Variants in FGF1 observed in about 807,000 individuals in gnomAD.
FGF1 encodes fibroblast growth factor 1.
Under a neutral mutation model 13.4 loss-of-function variants are expected in FGF1, and 9 were observed. That is an observed-to-expected ratio of 0.67 (90% CI 0.40 to 1.17). The LOEUF (loss-of-function observed/expected upper bound fraction) is 1.17, where lower values mean the gene tolerates loss of function less well. Among genes scored for constraint, FGF1 ranks in the 50% most tolerant of loss-of-function variants. FGF1 has a pLI of 0.01. For synonymous variants in FGF1, 93 were observed against 79.0 expected (o/e 1.18, Z -0.94); for missense variants, 156 against 192.7 (o/e 0.81, Z 1.13).
intron 1 of FGF1, among the ~76,000 whole-genome samples, chr5:142,660,419 G>A (rs1476354974): frequency 2.0e-5 from 3 of 152,196 alleles, no homozygotes; most frequent in African/African-American, 7.2e-5. Context: ...CTGGGTCAGG[G>A]CCCAGGGCGG....
rs146745580 is a variant in FGF1, at chr5:142,595,348, C to T, written c.410G>A (p.Arg137Gln). The part of the protein sequence containing the change: ...KKNGSCKRGP[R>Q]THYGQKAILF... ...GATTGCTTTCTGGCCATAGTGAGTC[C>T]GAGGACCGCGTTTGCAGCTCCCATT... is the stretch of plus-strand genomic sequence containing the variant. The change falls in exon 4 of 4, where the codon CGG becomes CAG. Residue 137 changes from arginine to glutamine, a missense_variant. Transcript: ENST00000337706. 2.7e-4 allele frequency: 428 copies of T among 1,613,998 alleles called. No homozygotes were observed. The highest frequency in any genetic ancestry group is 6.1e-4 in the African/African-American group (46 of 75,014).
rs145837964 is a variant in FGF1 at position 142,669,721 on chromosome 5, G to T, written c.-35+16236C>A. Among the ~76,000 whole-genome samples the T allele has an allele frequency of 9.5e-3, 1,451 of 152,302 alleles. 16 individuals carry two copies. The highest frequency in any genetic ancestry group is 0.015 in the Non-Finnish European group (1,010 of 68,024). The stretch of plus-strand genomic sequence containing the variant: ...CTGCTGACTGGCAGGCAGTGGACGC[G>T]AGCTCTGGAGAGAACCCAGAATATG... On this transcript the variant is annotated intron_variant, in intron 1 of 3. Coordinates refer to ENST00000337706, the MANE Select transcript of FGF1 (RefSeq NM_000800.5).
intron 3 of FGF1, 74 bp from the exon 4 acceptor site, chr5:142,595,558 G>A: frequency 2.3e-6 from 3 of 1,305,044 alleles, no homozygotes; most frequent in Non-Finnish European, 2.1e-6. Context: ...TTTACTAGCT[G>A]TGTGACATTG....
At chr5:142,646,002 G>A (rs1006778494) in intron 1 of FGF1, among the ~76,000 whole-genome samples, 6 of 151,938 alleles carry the variant, frequency 3.9e-5, no homozygotes, top group Non-Finnish European at 8.8e-5. Flanking sequence ...TCTGCCTCCC[G>A]CGTTCAAGTC....
chr5:142,643,637 T>C (rs932638101), intron 1 of FGF1, among the ~76,000 whole-genome samples: 1 of 152,212 alleles, frequency 6.6e-6, no homozygotes, highest in Non-Finnish European at 1.5e-5. Flanking sequence ...AGTTTCAAAA[T>C]TGTACCCATG....
At chr5:142,669,902 C>A (rs556130378) in intron 1 of FGF1, among the ~76,000 whole-genome samples, 27 of 152,238 alleles carry the variant, frequency 1.8e-4, no homozygotes, top group African/African-American at 5.1e-4. Flanking sequence ...AGAGGAGCAA[C>A]CCCAGGATCC....
chr5:142,696,554 CA>C (rs1753142516), intron 2 of FGF1, among the ~76,000 whole-genome samples: 1 of 152,182 alleles, frequency 6.6e-6, no homozygotes, highest in Admixed American at 6.5e-5. Context: ...AGTAGGATGT[CA>C]GCTGGGAGGT....
intron 1 of FGF1, among the ~76,000 whole-genome samples, chr5:142,645,327 C>T (rs189913726): frequency 6.9e-4 from 105 of 152,282 alleles, no homozygotes; most frequent in African/African-American, 2.3e-3. Flanking sequence ...GCTCATCACA[C>T]GGCACCTCAC....
chr5:142,682,527 C>G (rs1431931659), intron 1 of FGF1, among the ~76,000 whole-genome samples: 2 of 152,164 alleles, frequency 1.3e-5, no homozygotes, highest in African/African-American at 4.8e-5. Flanking sequence ...TTATTACCCC[C>G]ACTTTACAGA....
At chr5:142,600,602 G>T in intron 3 of FGF1, 100 bp downstream of exon 3, 2 of 806,386 alleles carry the variant, frequency 2.5e-6, no homozygotes, top group South Asian at 2.8e-5. Context: ...AACAAACAGA[G>T]ACTAATTGTT....
chr5:142,595,902 A>G lies in FGF1; in HGVS notation c.274-418T>C, dbSNP rs942155629. On this transcript the variant is annotated intron_variant, in intron 3 of 3. Transcript: ENST00000337706. ...CACACAGGCCTGACCATGGAAAAACATTCCAAATAGGTAAAAACCAGACTG... is the reference window on the plus strand; with the variant it reads ...CACACAGGCCTGACCATGGAAAAACGTTCCAAATAGGTAAAAACCAGACTG... Among the ~76,000 whole-genome samples, 2 of 152,192 alleles carry G rather than the reference A, an allele frequency of 1.3e-5. 1 individual carries two copies. Among genetic ancestry groups the G allele is most frequent in the African/African-American group, 4.8e-5 (2 of 41,454 alleles).
intron 1 of FGF1, among the ~76,000 whole-genome samples, chr5:142,649,446 G>A (rs1160550706): frequency 2.0e-5 from 3 of 151,096 alleles, no homozygotes; most frequent in African/African-American, 4.9e-5. Context: ...TCGCTTTGTC[G>A]CCCAGGCTGG....
chr5:142,659,845 C>G (rs777112234), intron 1 of FGF1, among the ~76,000 whole-genome samples: 1 of 152,180 alleles, frequency 6.6e-6, no homozygotes, highest in Non-Finnish European at 1.5e-5. Context: ...GAGAGAGTCA[C>G]GGCCAAAGAT....
chr5:142,647,945 C>T (rs541270138), intron 1 of FGF1, among the ~76,000 whole-genome samples: 6 of 152,152 alleles, frequency 3.9e-5, no homozygotes, highest in African/African-American at 7.2e-5. Context: ...ATTAGCTGGG[C>T]GTGGTGGTGC....
intron 1 of FGF1, among the ~76,000 whole-genome samples, chr5:142,623,116 T>TC (rs1395963814): frequency 6.6e-6 from 1 of 152,212 alleles, no homozygotes; most frequent in Admixed American, 6.5e-5. Flanking sequence ...TCCTTTTTTT[T>TC]CCCCTCTGAT....
chr5:142,616,221 G>A (rs551423569), intron 1 of FGF1, among the ~76,000 whole-genome samples: 2 of 152,292 alleles, frequency 1.3e-5, no homozygotes, highest in South Asian at 2.1e-4. Context: ...CATGTTGGAA[G>A]CCTCCATCTG....
intron 2 of FGF1, among the ~76,000 whole-genome samples, chr5:142,603,807 T>C (rs1418854065): frequency 2.6e-5 from 4 of 152,218 alleles, no homozygotes; most frequent in Non-Finnish European, 5.9e-5. Context: ...CATAGCCTCT[T>C]AGACACAGTC....
intron 3 of FGF1, among the ~76,000 whole-genome samples, chr5:142,598,899 A>G (rs1006422442): frequency 6.6e-6 from 1 of 152,194 alleles, no homozygotes; most frequent in Non-Finnish European, 1.5e-5. Flanking sequence ...AGGTTACAAT[A>G]AACGTCAAAA....
chr5:142,672,500 GTTTTTTTTTT>G (rs34954693), intron 1 of FGF1, among the ~76,000 whole-genome samples: 3 of 123,336 alleles, frequency 2.4e-5, no homozygotes, highest in Admixed American at 8.6e-5. Flanking sequence ...TTTCTGTACA[GTTTTTTTTTT>G]TTTTTTTTTT....
Sources: allele counts gnomAD v4.1 joint callset (sites outside exome capture counted in the v4.1 genomes callset), GRCh38; gene constraint gnomAD v4.1.1; transcripts MANE v1.5; gene names NCBI Gene and HGNC (gene_info 2026-07-23, HGNC 2026-07-21).